Variants in EXOC6B observed in about 807,000 individuals in gnomAD.
EXOC6B encodes exocyst complex component 6B, also known as SEC15 homolog B.
A neutral mutation model predicts 113.5 loss-of-function variants in EXOC6B; 54 were observed. That is an observed-to-expected ratio of 0.48 (90% CI 0.38 to 0.60). EXOC6B has a LOEUF of 0.60. Ranked by LOEUF, EXOC6B falls within the 20% of genes least tolerant of loss-of-function variation. The pLI is 0.00. For synonymous variants in EXOC6B, 357 were observed against 339.0 expected, an observed-to-expected ratio of 1.05 and a Z score of -0.58; for missense variants, 797 against 977.5, an observed-to-expected ratio of 0.82 and a Z score of 2.46.
At chr2:72,542,848 T>C (rs1388856486) in intron 8 of EXOC6B, among the ~76,000 whole-genome samples, 2 of 152,186 alleles carry the variant, frequency 1.3e-5, no homozygotes, top group Non-Finnish European at 2.9e-5. Context: ...CAAAAACCTC[T>C]GAAATTTTGA....
chr2:72,598,954 C>T (rs767365403), intron 6 of EXOC6B, among the ~76,000 whole-genome samples: 17 of 152,040 alleles, frequency 1.1e-4, no homozygotes, highest in Non-Finnish European at 1.9e-4. Flanking sequence ...AATAGGTTAG[C>T]TGGTGAACTC....
intron 19 of EXOC6B, among the ~76,000 whole-genome samples, chr2:72,355,456 TTC>T (rs1224951251): frequency 3.2e-4 from 49 of 152,298 alleles, no homozygotes; most frequent in African/African-American, 9.4e-4. Flanking sequence ...CATAAAATAT[TTC>T]TCTGATTCCA....
intron 20 of EXOC6B, among the ~76,000 whole-genome samples, chr2:72,270,810 A>C (rs1313589840): frequency 6.6e-6 from 1 of 152,150 alleles, no homozygotes; most frequent in Middle Eastern, 3.2e-3. Flanking sequence ...TGATGATCAG[A>C]AAATGAATAA....
At chr2:72,690,332 G>A (rs1356943373) in intron 6 of EXOC6B, among the ~76,000 whole-genome samples, 1 of 152,076 alleles carries the variant, frequency 6.6e-6, no homozygotes, top group Non-Finnish European at 1.5e-5. Context: ...TTATTTCCAT[G>A]AGAAAAATTC....
chr2:72,806,080 A>G (rs1355035606), intron 1 of EXOC6B, among the ~76,000 whole-genome samples: 1 of 152,038 alleles, frequency 6.6e-6, no homozygotes, highest in Non-Finnish European at 1.5e-5. Context: ...CAGGTTTGTT[A>G]ATGGGTATAT....
At chr2:72,592,511 C>A (rs151107457) in intron 6 of EXOC6B, among the ~76,000 whole-genome samples, 1 of 152,196 alleles carries the variant, frequency 6.6e-6, no homozygotes, top group Non-Finnish European at 1.5e-5. Flanking sequence ...GTATTAGTGT[C>A]CCCCAGGATC....
intron 20 of EXOC6B, among the ~76,000 whole-genome samples, chr2:72,196,583 A>G (rs1183786055): frequency 1.3e-5 from 2 of 152,186 alleles, no homozygotes; most frequent in Non-Finnish European, 2.9e-5. Context: ...TTCAGCAAAG[A>G]AGCATTAGAT....
chr2:72,472,477 T>C (rs1698472827), intron 17 of EXOC6B, among the ~76,000 whole-genome samples: 1 of 152,188 alleles, frequency 6.6e-6, no homozygotes, highest in African/African-American at 2.4e-5. Context: ...CTACAGATTT[T>C]CCACTGGTTA....
At chr2:72,635,242 GGAAAA>G (rs1672738142) in intron 6 of EXOC6B, among the ~76,000 whole-genome samples, 1 of 151,920 alleles carries the variant, frequency 6.6e-6, no homozygotes, top group African/African-American at 2.4e-5. Context: ...ATTGAGAACA[GGAAAA>G]TGTTAGAGAA....
intron 16 of EXOC6B, among the ~76,000 whole-genome samples, chr2:72,483,563 A>G (rs1419985108): frequency 6.6e-6 from 1 of 152,214 alleles, no homozygotes; most frequent in East Asian, 1.9e-4. Flanking sequence ...AATTACATCA[A>G]TTGGCTGTCA....
intron 20 of EXOC6B, among the ~76,000 whole-genome samples, chr2:72,252,459 T>C (rs557925598): frequency 9.2e-5 from 14 of 151,828 alleles, no homozygotes; most frequent in Non-Finnish European, 2.1e-4. Context: ...GGTGACAGAG[T>C]GAGACTCTGT....
chr2:72,341,190 T>G (rs1450214265), intron 19 of EXOC6B, among the ~76,000 whole-genome samples: 1 of 152,156 alleles, frequency 6.6e-6, no homozygotes, highest in Non-Finnish European at 1.5e-5. Context: ...TCACTAGATC[T>G]CCAACTTCGA....
intron 20 of EXOC6B, among the ~76,000 whole-genome samples, chr2:72,319,910 A>G (rs1485654341): frequency 6.6e-6 from 1 of 151,688 alleles, no homozygotes; most frequent in Non-Finnish European, 1.5e-5. Flanking sequence ...ATCTCAGCCC[A>G]CTACAACCTC....
intron 20 of EXOC6B, among the ~76,000 whole-genome samples, chr2:72,241,714 A>G (rs1682322336): frequency 6.6e-6 from 1 of 152,116 alleles, no homozygotes; most frequent in African/African-American, 2.4e-5. Context: ...GAAATATTTA[A>G]AATGTTGAAA....
intron 18 of EXOC6B, among the ~76,000 whole-genome samples, chr2:72,426,237 T>C (rs1695190948): frequency 6.6e-6 from 1 of 152,196 alleles, no homozygotes; most frequent in African/African-American, 2.4e-5. Flanking sequence ...CTCATCCCCA[T>C]CTGCCAACAC....
intron 17 of EXOC6B, among the ~76,000 whole-genome samples, chr2:72,470,721 G>C (rs1205388503): frequency 6.7e-6 from 1 of 149,504 alleles, no homozygotes; most frequent in Non-Finnish European, 1.5e-5. Context: ...TGTGGTGTTT[G>C]GTTTTTTGTC....
chr2:72,757,056 T>C (rs1224263199), intron 1 of EXOC6B, among the ~76,000 whole-genome samples: 1 of 152,218 alleles, frequency 6.6e-6, no homozygotes, highest in African/African-American at 2.4e-5. Context: ...TATTACTTTA[T>C]CTATTACTTA....
chr2:72,416,224 G>A (rs1053031783), intron 18 of EXOC6B, among the ~76,000 whole-genome samples: 1 of 152,148 alleles, frequency 6.6e-6, no homozygotes. Context: ...GTCACTGGGT[G>A]GGGAATTAGA....
chr2:72,244,969 T>C (rs1018483121), intron 20 of EXOC6B, among the ~76,000 whole-genome samples: 1 of 152,114 alleles, frequency 6.6e-6, no homozygotes, highest in African/African-American at 2.4e-5. Context: ...TACAAAAATA[T>C]GATGAAAGAA....
Sources: gnomAD v4.1 joint callset for allele counts (sites outside exome capture counted in the v4.1 genomes callset) on GRCh38, gnomAD v4.1.1 for gene constraint, MANE v1.5 for transcripts, NCBI Gene and HGNC (gene_info 2026-07-23, HGNC 2026-07-21) for gene names.